Variants in ARIH2 observed in about 807,000 individuals in gnomAD.
ARIH2 encodes the protein ariadne RBR E3 ubiquitin protein ligase 2.
A neutral mutation model predicts 79.8 loss-of-function variants in ARIH2; 12 were observed. The observed-to-expected ratio is 0.15, with a 90% confidence interval of 0.10 to 0.24. The LOEUF is 0.24. Among genes scored for constraint, ARIH2 ranks in the 10% least tolerant of loss-of-function variants. The pLI is 1.00. For synonymous variants in ARIH2, 224 were observed against 213.9 expected, an observed-to-expected ratio of 1.05 and a Z score of -0.41; for missense variants, 301 against 618.3, an observed-to-expected ratio of 0.49 and a Z score of 5.44.
chr3:48,972,693 T>C (rs1262992124), intron 8 of ARIH2, among the ~76,000 whole-genome samples: 1 of 152,134 alleles, frequency 6.6e-6, no homozygotes, highest in African/African-American at 2.4e-5. Flanking sequence ...CTAGGTTGGT[T>C]GGTCTCAAAC....
Position 48,983,371 on chromosome 3 carries a change from C to G in ARIH2, c.*101C>G. 9.0e-7 allele frequency: 1 copy of G among 1,114,130 alleles called. No homozygotes were observed. Among genetic ancestry groups the G allele is most frequent in the Non-Finnish European group, 1.4e-6 (1 of 735,152 alleles). The allele number at this position is 1,114,130 out of a possible 1,614,324, so 69.0% of individuals were successfully genotyped here. A position where few individuals can be genotyped will look rare whatever the true frequency, so the allele number is the denominator to read the frequency against. On this transcript the variant is annotated 3_prime_UTR_variant, in exon 16 of 16. Transcript: ENST00000356401. ...CTCTGCCTTTCATGACCCCAGGCAA[C>G]AGCCAGGGCCCCACTCCTGAGAGAC...
intron 3 of ARIH2, among the ~76,000 whole-genome samples, chr3:48,950,345 A>C (rs1037016467): frequency 6.6e-6 from 1 of 151,466 alleles, no homozygotes; most frequent in Non-Finnish European, 1.5e-5. Flanking sequence ...TCTGCTTCCT[A>C]CTTTTCCATT....
chr3:48,945,517 CT>C (rs1170702319), intron 3 of ARIH2, among the ~76,000 whole-genome samples: 3 of 151,912 alleles, frequency 2.0e-5, no homozygotes, highest in Admixed American at 6.6e-5. Flanking sequence ...CTCGCAAAAC[CT>C]TTTTTTTGAA....
chr3:48,950,644 A>G (rs1488872544), intron 3 of ARIH2, among the ~76,000 whole-genome samples: 1 of 152,152 alleles, frequency 6.6e-6, no homozygotes, highest in East Asian at 1.9e-4. Flanking sequence ...GCTGCCCGGT[A>G]TGGTAGCTAT....
At chr3:48,981,016 CAAAAAAAA>C (rs34533467) in intron 13 of ARIH2, among the ~76,000 whole-genome samples, 6 of 30,140 alleles carry the variant, frequency 2.0e-4, no homozygotes, top group South Asian at 2.4e-3. Flanking sequence ...GCAAGACTGT[CAAAAAAAA>C]AAAAAAAAAA....
chr3:48,964,521 G>A (rs976874622), intron 4 of ARIH2, among the ~76,000 whole-genome samples: 1 of 151,310 alleles, frequency 6.6e-6, no homozygotes, highest in Non-Finnish European at 1.5e-5. Flanking sequence ...CACCATCTTG[G>A]CCAGGCTGGT....
At position 48,979,401 on chromosome 3, in the gene ARIH2, C is replaced by T. The variant is rs112195412; in HGVS notation, c.962-81C>T. On this transcript the variant is annotated intron_variant, in intron 11 of 15. Transcript: ENST00000356401. ...CAGGTGACCCCTTTGGGAGCAGGGT[C>T]TGTCTGTCTCACTCCTCTGCCTATG... 1.4e-5 allele frequency: 21 copies of T among 1,491,468 alleles called. 1 individual carries two copies. Among genetic ancestry groups the T allele is most frequent in the African/African-American group, 1.2e-4 (9 of 72,060 alleles). The allele number at this position is 1,491,468 out of a possible 1,614,324, so 92.4% of individuals were successfully genotyped here.
chr3:48,974,077 A>T (rs760802533), intron 9 of ARIH2, among the ~76,000 whole-genome samples: 21 of 152,182 alleles, frequency 1.4e-4, no homozygotes, highest in Admixed American at 2.6e-4. Flanking sequence ...ATTAGAAGAG[A>T]ACTAATTATG....
At chr3:48,924,506 C>T (rs1453073175) in intron 2 of ARIH2, among the ~76,000 whole-genome samples, 1 of 151,572 alleles carries the variant, frequency 6.6e-6, no homozygotes. Flanking sequence ...CTATGCCTGT[C>T]TTATTTTATT....
intron 11 of ARIH2, 193 bp downstream of exon 11, chr3:48,975,172 ACTG>A: frequency 1.2e-6 from 1 of 825,644 alleles, no homozygotes; most frequent in Non-Finnish European, 1.9e-6. Flanking sequence ...TTATAATCCC[ACTG>A]CTATCTTGCT....
At chr3:48,978,949 A>T (rs2092654536) in intron 11 of ARIH2, among the ~76,000 whole-genome samples, 2 of 151,720 alleles carry the variant, frequency 1.3e-5, no homozygotes, top group African/African-American at 4.8e-5. Context: ...TGACAGAGTG[A>T]GACTCTGTCT....
chr3:48,942,081 T>C (rs1312223180), intron 3 of ARIH2, among the ~76,000 whole-genome samples: 1 of 150,712 alleles, frequency 6.6e-6, no homozygotes, highest in African/African-American at 2.4e-5. Flanking sequence ...GGCGGAGTCT[T>C]ACTCTGTCAC....
At position 48,927,508 on chromosome 3, in the gene ARIH2, AGG is replaced by A. The variant is rs1405349869; in HGVS notation, c.-47_-46del. On this transcript the variant is annotated 5_prime_UTR_variant, in exon 3 of 16. Coordinates refer to ENST00000356401, the MANE Select transcript of ARIH2 (RefSeq NM_006321.4). ...TTGAGAAAGCGGTAGTTTTGGGGGGAGGGGGAAAAAGCAACTGCTTTCCTGAT... is the reference window on the plus strand; with the variant it reads ...TTGAGAAAGCGGTAGTTTTGGGGGGAGGGAAAAAGCAACTGCTTTCCTGAT... 6.3e-7 allele frequency: 1 copy of A among 1,579,994 alleles called. No homozygotes were observed. The highest frequency in any genetic ancestry group is 8.6e-7 in the Non-Finnish European group (1 of 1,165,354).
At chr3:48,972,307 C>G (rs1038930096) in intron 8 of ARIH2, among the ~76,000 whole-genome samples, 24 of 152,164 alleles carry the variant, frequency 1.6e-4, no homozygotes, top group African/African-American at 5.8e-4. Context: ...GTAACTGAAA[C>G]TACAGATGCC....
At chr3:48,967,383 G>T in intron 6 of ARIH2, 108 bp downstream of exon 6, 4 of 1,261,516 alleles carry the variant, frequency 3.2e-6, no homozygotes, top group Non-Finnish European at 4.4e-6. Context: ...GCCTGATTGG[G>T]GTTTTTATCA....
chr3:48,948,630 T>C (rs2089545497), intron 3 of ARIH2, among the ~76,000 whole-genome samples: 1 of 152,186 alleles, frequency 6.6e-6, no homozygotes, highest in Admixed American at 6.6e-5. Flanking sequence ...TGAGTTTTAT[T>C]AAATGTATAC....
intron 11 of ARIH2, among the ~76,000 whole-genome samples, chr3:48,976,500 C>G (rs528388515): frequency 1.3e-5 from 2 of 152,198 alleles, no homozygotes; most frequent in African/African-American, 4.8e-5. Context: ...TGTGAGCCAC[C>G]GCTCCCGGCC....
At chr3:48,946,935 C>T (rs779689472) in intron 3 of ARIH2, among the ~76,000 whole-genome samples, 4 of 152,162 alleles carry the variant, frequency 2.6e-5, no homozygotes, top group Non-Finnish European at 5.9e-5. Flanking sequence ...CTTTCCTTCC[C>T]TAGCTCCCGG....
At chr3:48,954,453 T>G (rs1015728460) in intron 3 of ARIH2, among the ~76,000 whole-genome samples, 9 of 152,002 alleles carry the variant, frequency 5.9e-5, no homozygotes, top group African/African-American at 2.2e-4. Context: ...AAAAAAAAGT[T>G]TTTTTCTACG....
Sources: gnomAD v4.1 joint callset for allele counts (sites outside exome capture counted in the v4.1 genomes callset) on GRCh38, gnomAD v4.1.1 for gene constraint, MANE v1.5 for transcripts, NCBI Gene and HGNC (gene_info 2026-07-23, HGNC 2026-07-21) for gene names.